The following PPM1H variants were observed in gnomAD, a reference collection of about 807,000 sequenced individuals.
PPM1H encodes the protein protein phosphatase 1H.
A neutral mutation model predicts 54.9 loss-of-function variants in PPM1H; 27 were observed. The observed-to-expected ratio is 0.49, with a 90% CI of 0.36 to 0.68. PPM1H has a LOEUF of 0.68. Among genes scored for constraint, PPM1H ranks in the 30% least tolerant of loss-of-function variants. The pLI is 0.00. For missense variants in PPM1H, 596 were observed against 667.8 expected, an observed-to-expected ratio of 0.89 and a Z score of 1.19; for synonymous variants, 305 against 270.8, an observed-to-expected ratio of 1.13 and a Z score of -1.24.
At chr12:62,765,188 T>A (rs1021943195) in intron 4 of PPM1H, among the ~76,000 whole-genome samples, 2 of 152,154 alleles carry the variant, frequency 1.3e-5, no homozygotes, top group Admixed American at 6.5e-5. Context: ...TGACAGTACA[T>A]GACCAACAGC....
chr12:62,876,549 T>C (rs7296423), intron 1 of PPM1H, among the ~76,000 whole-genome samples: 11,751 of 152,236 alleles, frequency 0.077, 666 homozygotes, highest in African/African-American at 0.16. Context: ...GATGTTCAAC[T>C]TAGGAAAAGA....
chr12:62,849,471 G>A (rs1019295934), intron 1 of PPM1H, among the ~76,000 whole-genome samples: 4 of 152,156 alleles, frequency 2.6e-5, no homozygotes, highest in African/African-American at 9.7e-5. Flanking sequence ...TATCCCACCT[G>A]ATTCCAAAGC....
intron 5 of PPM1H, among the ~76,000 whole-genome samples, chr12:62,733,309 C>G (rs932864225): frequency 2.7e-4 from 41 of 152,268 alleles, no homozygotes; most frequent in African/African-American, 9.6e-4. Flanking sequence ...GCTGGAGTTG[C>G]AGTGGCACAA....
Position 62,888,792 on chromosome 12 carries a change from A to G in PPM1H, c.245+45700T>C, listed in dbSNP as rs531860580. Among the ~76,000 whole-genome samples, 5 of 152,338 alleles carry G rather than the reference A, an allele frequency of 3.3e-5. 1 individual carries two copies. In the South Asian group the frequency reaches 1.0e-3, roughly 32 times the overall value. On this transcript the variant is annotated intron_variant, in intron 1 of 9. Coordinates refer to ENST00000228705, the MANE Select transcript of PPM1H (RefSeq NM_020700.2). ...CAAGCAACTTTACAGGCATTTACCC[A>G]GATTTTCCCATTTGATCCCCACAAT...
intron 3 of PPM1H, among the ~76,000 whole-genome samples, chr12:62,790,351 A>C (rs913973466): frequency 2.6e-5 from 4 of 152,334 alleles, no homozygotes; most frequent in African/African-American, 9.6e-5. Flanking sequence ...CAGAGACAGG[A>C]GGTCACTTGA....
chr12:62,835,574 C>T (rs556785279), intron 1 of PPM1H, among the ~76,000 whole-genome samples: 4 of 152,284 alleles, frequency 2.6e-5, no homozygotes, highest in South Asian at 2.1e-4. Flanking sequence ...ATGAATAGCA[C>T]TAATGAAGTA....
At chr12:62,761,721 G>C (rs1259676327) in intron 4 of PPM1H, among the ~76,000 whole-genome samples, 4 of 152,180 alleles carry the variant, frequency 2.6e-5, no homozygotes, top group African/African-American at 7.2e-5. Flanking sequence ...TTTTGCAAGA[G>C]TTTAGGGAGT....
intron 5 of PPM1H, among the ~76,000 whole-genome samples, chr12:62,732,836 C>A (rs1028409868): frequency 1.3e-5 from 2 of 152,064 alleles, no homozygotes; most frequent in Non-Finnish European, 2.9e-5. Context: ...TCTTCATATA[C>A]CCTAAATATA....
chr12:62,821,062 T>C (rs1270904033), intron 2 of PPM1H, among the ~76,000 whole-genome samples: 1 of 152,104 alleles, frequency 6.6e-6, no homozygotes, highest in Non-Finnish European at 1.5e-5. Context: ...ATAAACAGTG[T>C]AGAGAAGACC....
At chr12:62,677,229 C>G (rs1482219639) in intron 8 of PPM1H, among the ~76,000 whole-genome samples, 2 of 152,228 alleles carry the variant, frequency 1.3e-5, no homozygotes, top group African/African-American at 4.8e-5. Context: ...CTTGCTCACC[C>G]TCCAGTTGCC....
chr12:62,843,726 A>G (rs1868844609), intron 1 of PPM1H, among the ~76,000 whole-genome samples: 1 of 152,172 alleles, frequency 6.6e-6, no homozygotes, highest in Non-Finnish European at 1.5e-5. Context: ...GTCTTTTTTA[A>G]AAAGTACTTT....
chr12:62,914,818 C>T lies in PPM1H; in HGVS notation c.245+19674G>A, dbSNP rs553121553. Reference sequence around the variant, plus strand: ...AGTGTAAGCCTCCCATGTGCCCACACGGAGAAAGAAGGGTATGCGCTAGAT... The same window carrying T: ...AGTGTAAGCCTCCCATGTGCCCACATGGAGAAAGAAGGGTATGCGCTAGAT... On this transcript the variant is annotated intron_variant, in intron 1 of 9. Transcript: ENST00000228705. 2.6e-5 allele frequency among the ~76,000 whole-genome samples: 4 copies of T among 152,274 alleles called. No homozygotes were observed. The South Asian group carries it at 6.2e-4, about 24-fold the overall frequency.
intron 7 of PPM1H, among the ~76,000 whole-genome samples, chr12:62,691,182 A>G (rs1476022666): frequency 6.6e-6 from 1 of 152,186 alleles, no homozygotes; most frequent in Admixed American, 6.5e-5. Context: ...GCATCAAGAC[A>G]GGCGACACAG....
intron 6 of PPM1H, among the ~76,000 whole-genome samples, chr12:62,719,879 T>A (rs1045614264): frequency 3.3e-5 from 5 of 152,212 alleles, no homozygotes; most frequent in African/African-American, 1.2e-4. Context: ...TAAAGCTTCA[T>A]GTGTTTTTAA....
intron 1 of PPM1H, among the ~76,000 whole-genome samples, chr12:62,911,500 A>C (rs1242957564): frequency 1.3e-5 from 2 of 152,234 alleles, no homozygotes; most frequent in Non-Finnish European, 2.9e-5. Flanking sequence ...TTACCTGACA[A>C]GTCCGTTTGG....
At chr12:62,843,776 T>C (rs17098390) in intron 1 of PPM1H, among the ~76,000 whole-genome samples, 10,974 of 152,274 alleles carry the variant, frequency 0.072, 1,367 homozygotes, top group African/African-American at 0.25. Flanking sequence ...ACAATCTGCT[T>C]TGAAAAATCT....
chr12:62,725,133 T>C (rs2076283160), intron 5 of PPM1H, among the ~76,000 whole-genome samples: 1 of 152,218 alleles, frequency 6.6e-6, no homozygotes, highest in Admixed American at 6.5e-5. Flanking sequence ...GCTAAGCAAG[T>C]CTGAGTCACA....
intron 1 of PPM1H, among the ~76,000 whole-genome samples, chr12:62,922,192 C>T (rs914708827): frequency 1.3e-5 from 2 of 152,154 alleles, no homozygotes; most frequent in African/African-American, 4.8e-5. Context: ...TTTTAAAGTA[C>T]TGTTAAATGT....
Position 62,648,394 on chromosome 12 carries a change from C to T in PPM1H, c.*95G>A. 6.8e-7 allele frequency: 1 copy of T among 1,468,864 alleles called. No individual in the cohort carries two copies. Among genetic ancestry groups the T allele is most frequent in the Non-Finnish European group, 9.3e-7 (1 of 1,071,762 alleles). The allele number at this position is 1,468,864 out of a possible 1,614,324, so 91.0% of individuals were successfully genotyped here. A position where few individuals can be genotyped will look rare whatever the true frequency, so the allele number is the denominator to read the frequency against. On this transcript the variant is annotated 3_prime_UTR_variant, in exon 10 of 10. Coordinates refer to ENST00000228705, the MANE Select transcript of PPM1H (RefSeq NM_020700.2). The stretch of plus-strand genomic sequence containing the variant: ...CGCTTGGGCTGGGAAGAGACTGCAT[C>T]ACTTGGAACTCAGCTGGGGCACTTC...
Sources: gnomAD v4.1 joint callset for allele counts (sites outside exome capture counted in the v4.1 genomes callset) on GRCh38, gnomAD v4.1.1 for gene constraint, MANE v1.5 for transcripts, NCBI Gene and HGNC (gene_info 2026-07-23, HGNC 2026-07-21) for gene names.